The following DLG5 variants were observed in gnomAD, a reference collection of about 807,000 sequenced individuals.
The protein encoded by DLG5 is discs large MAGUK scaffold protein 5, also known as disks large homolog 5.
Under a neutral mutation model 189.8 loss-of-function variants are expected in DLG5, and 48 were observed. The ratio of observed to expected loss-of-function variants is 0.25; its 90% CI spans 0.20 to 0.32. The LOEUF (loss-of-function observed/expected upper bound fraction) is 0.32. Among genes scored for constraint, DLG5 ranks in the 10% least tolerant of loss-of-function variants. The pLI, the probability that DLG5 is intolerant of heterozygous loss-of-function variation, is 1.00. For missense variants in DLG5, 2,160 were observed against 2,544.7 expected (o/e 0.85, Z 3.25); for synonymous variants, 1,016 against 1,054.1 (o/e 0.96, Z 0.70).
At chr10:77,928,195 G>GA (rs1846749981), upstream of DLG5, 1 of 152,194 alleles carries the variant, frequency 6.6e-6, no homozygotes, top group African/African-American at 2.4e-5. Context: ...TTGTCCTTAG[G>GA]AAAAATGGTG....
In DLG5 at chr10:77,821,728, A is replaced by T; in HGVS notation, c.2756T>A (p.Phe919Tyr). Residue 919 changes from phenylalanine to tyrosine, a missense_variant, in exon 15 of 32, where the codon TTT becomes TAT. Physicochemically the swap from Phe to Tyr is conservative, Grantham distance 22. Coordinates refer to ENST00000372391, the MANE Select transcript of DLG5 (RefSeq NM_004747.4). The part of the protein sequence containing the change: ...DVRGRRPLLP[F>Y]ETEVGPCGVG... Reference sequence around the variant, plus strand: ...CCCACAGGGGCCCACCTCGGTCTCAAAGGGCAGCAGTGGCCGCCGGCCACG... The same window carrying T: ...CCCACAGGGGCCCACCTCGGTCTCATAGGGCAGCAGTGGCCGCCGGCCACG... The T allele has an allele frequency of 6.2e-7, 1 of 1,611,154 alleles. No individual in the cohort carries two copies. Among genetic ancestry groups the T allele is most frequent in the Non-Finnish European group, 8.5e-7 (1 of 1,179,218 alleles).
In DLG5 at chr10:77,812,276, T is replaced by C. The variant is rs757935890; in HGVS notation, c.4127A>G (p.Lys1376Arg). Residue 1376 changes from lysine to arginine, a missense_variant, in exon 21 of 32, where the codon AAG becomes AGG. Physicochemically the swap from Lys to Arg is conservative, Grantham distance 26. Coordinates refer to ENST00000372391, the MANE Select transcript of DLG5 (RefSeq NM_004747.4). ...SGEKGGIYVS[K>R]VTVGSIAHQA... ...GTGAGCGATGCTCCCCACGGTCACC[T>C]TGGAGACGTAGATGCCGCCCTTCTC... 7 of 1,614,092 alleles carry C rather than the reference T, an allele frequency of 4.3e-6. No individual in the cohort carries two copies. Among genetic ancestry groups the C allele is most frequent in the Non-Finnish European group, 5.9e-6 (7 of 1,180,038 alleles).
chr10:77,891,367 C>T (rs576872521), intron 1 of DLG5, among the ~76,000 whole-genome samples: 1 of 152,312 alleles, frequency 6.6e-6, no homozygotes, highest in Admixed American at 6.5e-5. Flanking sequence ...CTGCAAACTG[C>T]AGATGTGGTC....
Position 77,869,203 on chromosome 10 carries a change from G to A in DLG5, c.305-6C>T, listed in dbSNP as rs41274594. 52,214 of 1,613,136 alleles carry A rather than the reference G, an allele frequency of 0.032. 1,943 individuals are homozygous for A. Among genetic ancestry groups the A allele is most frequent in the East Asian group, 0.23 (10,257 of 44,744 alleles). On this transcript the variant is annotated splice_region_variant and splice_polypyrimidine_tract_variant and intron_variant, in intron 1 of 31. Coordinates refer to ENST00000372391, the MANE Select transcript of DLG5 (RefSeq NM_004747.4). ...CAGGACGCTGTAGGTAGAACCTGGGGAAAGAGGGGAGACCATGTTACTAAC... is the reference window on the plus strand; with the variant it reads ...CAGGACGCTGTAGGTAGAACCTGGGAAAAGAGGGGAGACCATGTTACTAAC...
chr10:77,843,636 A>G lies in DLG5; in HGVS notation c.935T>C (p.Val312Ala). The change falls in exon 6 of 32, where the codon GTG becomes GCG. Residue 312 changes from valine (V) to alanine (A), a missense_variant. Around this residue, in one of 5 missense-constraint regions of DLG5, gnomAD observed 664 missense variants for 838.5 expected, o/e 0.79. Coordinates refer to ENST00000372391, the MANE Select transcript of DLG5 (RefSeq NM_004747.4). ...AAGGGCGTCATAGTCCTTCTTGACC[A>G]CCTCCAACTTGTCCATGGCCGTGTC... The part of the protein sequence containing the change: ...LYDTAMDKLE[V>A]VKKDYDALRK... 6.2e-7 allele frequency: 1 copy of G among 1,609,242 alleles called. No individual in the cohort carries two copies. Among genetic ancestry groups the G allele is most frequent in the Non-Finnish European group, 8.5e-7 (1 of 1,179,412 alleles).
intron 1 of DLG5, among the ~76,000 whole-genome samples, chr10:77,886,039 C>T (rs1051349524): frequency 7.2e-5 from 11 of 152,354 alleles, no homozygotes; most frequent in Admixed American, 3.9e-4. Context: ...GAGGGGCAGT[C>T]GGTCAACAGA....
chr10:77,807,344 T>C (rs1340645804), intron 25 of DLG5, among the ~76,000 whole-genome samples: 1 of 152,172 alleles, frequency 6.6e-6, no homozygotes, highest in Non-Finnish European at 1.5e-5. Flanking sequence ...CTTTCTGTGA[T>C]CTTGGATCTT....
intron 25 of DLG5, among the ~76,000 whole-genome samples, chr10:77,807,153 T>A (rs1279549865): frequency 2.0e-5 from 3 of 152,142 alleles, no homozygotes; most frequent in African/African-American, 7.2e-5. Context: ...CGCATCCCCA[T>A]CAAAGAACTC....
chr10:77,891,021 G>A lies in DLG5; in HGVS notation c.305-21824C>T, dbSNP rs151314583. ...CCCAGGTGTTCCCATTCAGTTTTCTGATTCCACCATCACTACTGCCTCTAC... is the reference window on the plus strand; with the variant it reads ...CCCAGGTGTTCCCATTCAGTTTTCTAATTCCACCATCACTACTGCCTCTAC... On this transcript the variant is annotated intron_variant, in intron 1 of 31. Coordinates refer to ENST00000372391, the MANE Select transcript of DLG5 (RefSeq NM_004747.4). 1.5e-3 allele frequency among the ~76,000 whole-genome samples: 234 copies of A among 152,196 alleles called. 2 individuals are homozygous for A. The highest frequency in any genetic ancestry group is 5.5e-3 in the African/African-American group (229 of 41,518).
chr10:77,922,510 G>C (rs771302940), intron 1 of DLG5, among the ~76,000 whole-genome samples: 1 of 152,146 alleles, frequency 6.6e-6, no homozygotes, highest in Non-Finnish European at 1.5e-5. Flanking sequence ...ACAAAAGAAA[G>C]CTACATAATT....
upstream of DLG5, chr10:77,928,224 A>G (rs967767074): frequency 1.1e-4 from 17 of 152,218 alleles, no homozygotes; most frequent in African/African-American, 4.1e-4. Flanking sequence ...ATATTAGATC[A>G]GGGGTTCTTA....
chr10:77,874,188 C>A (rs1845012582), intron 1 of DLG5, among the ~76,000 whole-genome samples: 1 of 152,266 alleles, frequency 6.6e-6, no homozygotes, highest in Non-Finnish European at 1.5e-5. Context: ...GAGTAGCCTT[C>A]AGAAGAAGGC....
chr10:77,888,308 A>G (rs1289331802), intron 1 of DLG5, among the ~76,000 whole-genome samples: 1 of 152,198 alleles, frequency 6.6e-6, no homozygotes, highest in Non-Finnish European at 1.5e-5. Context: ...CCTCAGAGGA[A>G]AGACCTTGGC....
upstream of DLG5, chr10:77,929,162 C>T (rs1846764575): frequency 2.0e-5 from 3 of 152,268 alleles, no homozygotes; most frequent in Admixed American, 6.5e-5. Context: ...CTCAGCCTCC[C>T]GAGGAGTAGC....
Position 77,805,532 on chromosome 10 carries a change from G to A in DLG5, c.5164+133C>T, listed in dbSNP as rs984421812. 7.6e-6 allele frequency: 8 copies of A among 1,055,676 alleles called. No homozygotes were observed. The Admixed American group carries it at 1.1e-4, about 15-fold the overall frequency. The allele number at this position is 1,055,676 out of a possible 1,614,324, so 65.4% of individuals were successfully genotyped here. A position where few individuals can be genotyped will look rare whatever the true frequency, so the allele number is the denominator to read the frequency against. ...GATGGCAGCACCCCCCGACCAAGCC[G>A]AACACACACCTTCAGACTTGCGCAC... On this transcript the variant is annotated intron_variant, in intron 27 of 31. Coordinates refer to ENST00000372391, the MANE Select transcript of DLG5 (RefSeq NM_004747.4).
chr10:77,920,605 G>A (rs1033697860), intron 1 of DLG5, among the ~76,000 whole-genome samples: 4 of 152,184 alleles, frequency 2.6e-5, no homozygotes, highest in African/African-American at 9.7e-5. Flanking sequence ...CCAAAGCTGA[G>A]CCAGTCTTAG....
rs889526084 is a variant in DLG5 at position 77,926,671 on chromosome 10, G to A, written c.-151C>T. The stretch of plus-strand genomic sequence containing the variant: ...GGGCCGGGGCCTGGGCGGGCTGGGG[G>A]CCCGGGGCGGCGGGCGGCGCTCAGC... On this transcript the variant is annotated 5_prime_UTR_variant, in exon 1 of 32. Coordinates refer to ENST00000372391, the MANE Select transcript of DLG5 (RefSeq NM_004747.4). This position sits in a 1 kb window ranked among gnomAD's most constrained non-coding sequence, Gnocchi z 5.2. The A allele has an allele frequency of 2.0e-5, 8 of 398,600 alleles. No individual in the cohort carries two copies. In the East Asian group the frequency reaches 9.6e-4, roughly 48 times the overall value. 24.7% of individuals were successfully genotyped at this position (398,600 alleles called of 1,614,324 possible).
intron 8 of DLG5, among the ~76,000 whole-genome samples, chr10:77,834,315 T>C (rs1276115936): frequency 1.3e-5 from 2 of 152,082 alleles, no homozygotes; most frequent in African/African-American, 4.8e-5. Flanking sequence ...TCACCCTCAA[T>C]GTGCCTGGGG....
At chr10:77,895,547 TG>T (rs1845733487) in intron 1 of DLG5, among the ~76,000 whole-genome samples, 1 of 152,182 alleles carries the variant, frequency 6.6e-6, no homozygotes, top group Non-Finnish European at 1.5e-5. Flanking sequence ...TGTCAGATTT[TG>T]TAAGTGAAGA....
Sources: gnomAD v4.1 joint callset for allele counts (sites outside exome capture counted in the v4.1 genomes callset) on GRCh38, gnomAD v4.1.1 for gene constraint, gnomAD v4.1.1 regional missense constraint, Gnocchi (gnomAD v3.1) non-coding constraint, MANE v1.5 for transcripts, NCBI Gene and HGNC (gene_info 2026-07-23, HGNC 2026-07-21) for gene names.